The following ATXN1 variants were observed in gnomAD, a reference collection of about 807,000 sequenced individuals.
ATXN1 encodes the protein ataxin 1.
ATXN1 carries 8 observed loss-of-function variants against 56.4 expected under a neutral mutation model. That is an observed-to-expected ratio of 0.14 (90% CI 0.08 to 0.26). ATXN1 has a LOEUF of 0.26. ATXN1 is among the 10% of genes least tolerant of loss of function. The pLI is 1.00. For missense variants in ATXN1, 987 were observed against 1,106.5 expected, an observed-to-expected ratio of 0.89 and a Z score of 1.53; for synonymous variants, 514 against 494.6, an observed-to-expected ratio of 1.04 and a Z score of -0.52.
chr6:16,709,447 A>G (rs1759478542), intron 2 of ATXN1, among the ~76,000 whole-genome samples: 1 of 152,188 alleles, frequency 6.6e-6, no homozygotes, highest in Non-Finnish European at 1.5e-5. Context: ...CAATGATGAT[A>G]CAACTGTTCT....
intron 6 of ATXN1, among the ~76,000 whole-genome samples, chr6:16,477,954 C>T (rs939827696): frequency 2.0e-5 from 3 of 152,174 alleles, no homozygotes; most frequent in Non-Finnish European, 4.4e-5. Flanking sequence ...AGGTGACTGC[C>T]AACTCCCTTC....
chr6:16,592,771 A>C (rs999789023), intron 3 of ATXN1, among the ~76,000 whole-genome samples: 1 of 151,552 alleles, frequency 6.6e-6, no homozygotes, highest in African/African-American at 2.4e-5. Context: ...CAGACCCAAA[A>C]GACTGAACAG....
intron 5 of ATXN1, among the ~76,000 whole-genome samples, chr6:16,518,723 TTAATGG>T (rs1761232836): frequency 6.6e-6 from 1 of 152,206 alleles, no homozygotes; most frequent in Non-Finnish European, 1.5e-5. Context: ...ATCTGTCATC[TTAATGG>T]AAAAATCCCT....
chr6:16,356,043 G>C (rs1207476472), intron 6 of ATXN1, among the ~76,000 whole-genome samples: 2 of 152,222 alleles, frequency 1.3e-5, no homozygotes, highest in Admixed American at 6.5e-5. Flanking sequence ...GAGCTCTGAA[G>C]TCATTACATC....
In ATXN1 at chr6:16,431,811, A is replaced by C. The variant is rs567201446; in HGVS notation, c.-161+54161T>G. On this transcript the variant is annotated intron_variant, in intron 6 of 7. Coordinates refer to ENST00000436367, the MANE Select transcript of ATXN1 (RefSeq NM_001128164.2). ...GTGTATTCATATCCAGGACATCATA[A>C]ACTATCAATACAGACGATGTATTAA... Among the ~76,000 whole-genome samples the C allele has an allele frequency of 1.6e-4, 25 of 152,296 alleles. 1 individual carries two copies. The Middle Eastern group carries it at 0.02, about 124-fold the overall frequency.
intron 6 of ATXN1, among the ~76,000 whole-genome samples, chr6:16,344,111 A>G (rs1761320397): frequency 6.6e-6 from 1 of 151,936 alleles, no homozygotes; most frequent in African/African-American, 2.4e-5. Context: ...CTCTCCTTCC[A>G]TGTCACCTCC....
At chr6:16,399,181 A>T (rs1221849725) in intron 6 of ATXN1, among the ~76,000 whole-genome samples, 2 of 152,216 alleles carry the variant, frequency 1.3e-5, no homozygotes, top group Non-Finnish European at 2.9e-5. Context: ...AGGCCGTGTA[A>T]CAAAAGTTAA....
chr6:16,625,096 C>A (rs1175229539), intron 3 of ATXN1, among the ~76,000 whole-genome samples: 3 of 152,166 alleles, frequency 2.0e-5, no homozygotes, highest in Non-Finnish European at 2.9e-5. Flanking sequence ...CATCCTTATG[C>A]CTAGAAAAAT....
At chr6:16,390,940 C>T (rs9477123) in intron 6 of ATXN1, among the ~76,000 whole-genome samples, 2,833 of 152,136 alleles carry the variant, frequency 0.019, 93 homozygotes, top group African/African-American at 0.064. Context: ...GCAGGTGAAC[C>T]ATCTGAGGTT....
chr6:16,605,834 G>A (rs562359226), intron 3 of ATXN1, among the ~76,000 whole-genome samples: 1 of 152,236 alleles, frequency 6.6e-6, no homozygotes, highest in Admixed American at 6.5e-5. Context: ...AAATGGCCAA[G>A]ATAACGATAC....
chr6:16,639,452 T>C (rs982011680), intron 3 of ATXN1, among the ~76,000 whole-genome samples: 2 of 152,172 alleles, frequency 1.3e-5, no homozygotes, highest in Non-Finnish European at 2.9e-5. Flanking sequence ...TAGCTGGGAT[T>C]ACAGGCATGC....
intron 6 of ATXN1, among the ~76,000 whole-genome samples, chr6:16,354,193 T>C (rs950468919): frequency 5.3e-5 from 8 of 152,124 alleles, no homozygotes; most frequent in African/African-American, 1.7e-4. Flanking sequence ...AACATATTCA[T>C]GTATGTACCT....
chr6:16,668,078 A>T (rs183198612), intron 2 of ATXN1, among the ~76,000 whole-genome samples: 218 of 152,320 alleles, frequency 1.4e-3, no homozygotes, highest in Non-Finnish European at 2.7e-3. Context: ...CCTTCTAGAG[A>T]AATCTCTCAA....
intron 2 of ATXN1, among the ~76,000 whole-genome samples, chr6:16,745,126 T>C (rs924601888): frequency 3.9e-5 from 6 of 152,168 alleles, no homozygotes; most frequent in Admixed American, 2.6e-4. Context: ...AGCCAAAAAA[T>C]AGTAAGTCCC....
At chr6:16,345,764 G>A (rs1488923317) in intron 6 of ATXN1, among the ~76,000 whole-genome samples, 1 of 152,172 alleles carries the variant, frequency 6.6e-6, no homozygotes, top group African/African-American at 2.4e-5. Flanking sequence ...CTCGCTACCT[G>A]CAGCTGTTTT....
intron 6 of ATXN1, among the ~76,000 whole-genome samples, chr6:16,437,668 T>C (rs1038686685): frequency 7.9e-5 from 12 of 152,274 alleles, no homozygotes; most frequent in Admixed American, 3.9e-4. Flanking sequence ...TTGTGTCTCT[T>C]CCTGCTTTAA....
intron 2 of ATXN1, among the ~76,000 whole-genome samples, chr6:16,702,351 C>T (rs1380673716): frequency 6.6e-6 from 1 of 152,184 alleles, no homozygotes; most frequent in Non-Finnish European, 1.5e-5. Context: ...GGATTAAAGA[C>T]TTAAATGTTA....
At chr6:16,622,365 C>A (rs904333863) in intron 3 of ATXN1, among the ~76,000 whole-genome samples, 1 of 151,988 alleles carries the variant, frequency 6.6e-6, no homozygotes, top group Non-Finnish European at 1.5e-5. Flanking sequence ...TGATGATGAC[C>A]ATGGTGGTGG....
At chr6:16,676,578 G>A (rs1758665528) in intron 2 of ATXN1, among the ~76,000 whole-genome samples, 1 of 152,084 alleles carries the variant, frequency 6.6e-6, no homozygotes, top group South Asian at 2.1e-4. Flanking sequence ...ATCTAGTTGT[G>A]GGGAAAATAA....
Sources: gnomAD v4.1 joint callset for allele counts (sites outside exome capture counted in the v4.1 genomes callset) on GRCh38, gnomAD v4.1.1 for gene constraint, MANE v1.5 for transcripts, NCBI Gene and HGNC (gene_info 2026-07-23, HGNC 2026-07-21) for gene names.